The following PIK3R5 variants were observed in gnomAD, a reference collection of about 807,000 sequenced individuals.
The protein encoded by PIK3R5 is phosphoinositide-3-kinase regulatory subunit 5.
PIK3R5 carries 32 observed loss-of-function variants against 94.9 expected under a neutral mutation model. The observed-to-expected ratio is 0.34, with a 90% CI of 0.25 to 0.45. The LOEUF (loss-of-function observed/expected upper bound fraction) is 0.45. Among genes scored for constraint, PIK3R5 ranks in the 20% least tolerant of loss-of-function variants. The pLI is 1.00. For missense variants in PIK3R5, 853 were observed against 1,144.6 expected, an observed-to-expected ratio of 0.75 and a Z score of 3.68; for synonymous variants, 443 against 479.4, an observed-to-expected ratio of 0.92 and a Z score of 0.99.
rs2089879749 is a variant in PIK3R5 at position 8,887,125 on chromosome 17, T to C, written c.1876A>G (p.Met626Val). The part of the protein sequence containing the change: ...PWYERNVLGL[M>V]HLPPEVLCQQ... Reference sequence around the variant, plus strand: ...CACAGGACTTCAGGGGGCAGGTGCATGAGGCCCAGTACATTGCGCTCATAC... The same window carrying C: ...CACAGGACTTCAGGGGGCAGGTGCACGAGGCCCAGTACATTGCGCTCATAC... The change falls in exon 12 of 19, where the codon ATG becomes GTG. Residue 626 changes from methionine (M) to valine (V), a missense_variant. Physicochemically the swap from Met to Val is conservative, Grantham distance 21. This residue lies in a region of PIK3R5 where 173 missense variants were observed against 274.1 expected (regional missense o/e 0.63). Coordinates refer to ENST00000447110, the MANE Select transcript of PIK3R5 (RefSeq NM_001142633.3). 2 of 1,613,996 alleles carry C rather than the reference T, an allele frequency of 1.2e-6. No individual in the cohort carries two copies. The highest frequency in any genetic ancestry group is 1.7e-6 in the Non-Finnish European group (2 of 1,179,990).
rs73973264 is a variant in PIK3R5, at chr17:8,911,732, C to T, written c.-13-225G>A. 12 of 497,364 alleles carry T rather than the reference C, an allele frequency of 2.4e-5. No individual in the cohort carries two copies. The highest frequency in any genetic ancestry group is 1.4e-4 in the East Asian group (4 of 28,212). 30.8% of individuals were successfully genotyped at this position (497,364 alleles called of 1,614,324 possible). ...AGGACAGAGCACCCCTGCAGCAGAACGGGACAGAGGTGTGGGAAGTAAGGG... is the reference window on the plus strand; with the variant it reads ...AGGACAGAGCACCCCTGCAGCAGAATGGGACAGAGGTGTGGGAAGTAAGGG... On this transcript the variant is annotated intron_variant, in intron 1 of 18. Coordinates refer to ENST00000447110, the MANE Select transcript of PIK3R5 (RefSeq NM_001142633.3). The surrounding 1 kb of genome is among the most constrained non-coding windows in gnomAD (Gnocchi z 5.3).
At chr17:8,915,050 A>T (rs980395967) in intron 1 of PIK3R5, among the ~76,000 whole-genome samples, 1 of 152,232 alleles carries the variant, frequency 6.6e-6, no homozygotes, top group South Asian at 2.1e-4. Context: ...ACTAGAATAC[A>T]TTGCCCCTCA....
rs906103464 is a variant in PIK3R5 at position 8,909,530 on chromosome 17, G to A, written c.104-356C>T. Among the ~76,000 whole-genome samples, 10 of 152,236 alleles carry A rather than the reference G, an allele frequency of 6.6e-5. No homozygotes were observed. The highest frequency in any genetic ancestry group is 1.0e-4 in the Non-Finnish European group (7 of 68,012). On this transcript the variant is annotated intron_variant, in intron 2 of 18. Coordinates refer to ENST00000447110, the MANE Select transcript of PIK3R5 (RefSeq NM_001142633.3). The surrounding 1 kb of genome is among the most constrained non-coding windows in gnomAD (Gnocchi z 4.3). ...TCTCGATCTCCTGACCTCGTGATCCGCCCGCCTCGGACTCCCAAAGTGCTG... is the reference window on the plus strand; with the variant it reads ...TCTCGATCTCCTGACCTCGTGATCCACCCGCCTCGGACTCCCAAAGTGCTG...
Position 8,888,977 on chromosome 17 carries a change from T to A in PIK3R5, c.896-86A>T. On this transcript the variant is annotated intron_variant, in intron 9 of 18. Transcript: ENST00000447110. This position sits in a 1 kb window ranked among gnomAD's most constrained non-coding sequence, Gnocchi z 7.8. The stretch of plus-strand genomic sequence containing the variant: ...CCCTTTGGAGGGGAGACAGCAGGAC[T>A]CAGGGCCAGCCCAGGACTCCTAGCA... 6.5e-7 allele frequency: 1 copy of A among 1,536,844 alleles called. No homozygotes were observed. The highest frequency in any genetic ancestry group is 1.3e-5 in the South Asian group (1 of 79,882).
At chr17:8,954,732 T>C (rs1165226938) in intron 1 of PIK3R5, among the ~76,000 whole-genome samples, 3 of 151,912 alleles carry the variant, frequency 2.0e-5, no homozygotes, top group Non-Finnish European at 2.9e-5. Context: ...GGTCAGGAGT[T>C]CAAGACCAGC....
In PIK3R5 at chr17:8,880,292, A is replaced by G. The variant is rs1388867995; in HGVS notation, c.*347T>C. On this transcript the variant is annotated 3_prime_UTR_variant, in exon 19 of 19. Transcript: ENST00000447110. ...CAGCCAAGGTTGAGAGAAAAGGCCCAAGCCATCCCCCTGAGCACCAGAGCC... is the reference window on the plus strand; with the variant it reads ...CAGCCAAGGTTGAGAGAAAAGGCCCGAGCCATCCCCCTGAGCACCAGAGCC... 4.9e-6 allele frequency: 1 copy of G among 204,304 alleles called. No homozygotes were observed. 12.7% of individuals were successfully genotyped at this position (204,304 alleles called of 1,614,324 possible).
In PIK3R5 at chr17:8,880,510, T is replaced by C. The variant is rs2089627276; in HGVS notation, c.*129A>G. 3 of 950,212 alleles carry C rather than the reference T, an allele frequency of 3.2e-6. No homozygotes were observed. Among genetic ancestry groups the C allele is most frequent in the South Asian group, 4.0e-5 (2 of 49,728 alleles). The allele number at this position is 950,212 out of a possible 1,614,324, so 58.9% of individuals were successfully genotyped here. On this transcript the variant is annotated 3_prime_UTR_variant, in exon 19 of 19. Transcript: ENST00000447110. ...ACCCTCTACTCCCAGCCCCTGCTCATTGCAGGACCCACAGTGGGACTATGG... is the reference window on the plus strand; with the variant it reads ...ACCCTCTACTCCCAGCCCCTGCTCACTGCAGGACCCACAGTGGGACTATGG...
At chr17:8,950,396 T>C (rs116394324) in intron 1 of PIK3R5, among the ~76,000 whole-genome samples, 90 of 152,256 alleles carry the variant, frequency 5.9e-4, no homozygotes, top group African/African-American at 2.0e-3. Flanking sequence ...GTATATTGCA[T>C]CCAGGTAGTG....
Position 8,901,674 on chromosome 17 carries a change from G to A in PIK3R5, c.412+3103C>T, listed in dbSNP as rs527659410. Among the ~76,000 whole-genome samples, 19 of 152,256 alleles carry A rather than the reference G, an allele frequency of 1.2e-4. No individual in the cohort carries two copies. In the South Asian group the frequency reaches 2.9e-3, roughly 23 times the overall value. On this transcript the variant is annotated intron_variant, in intron 5 of 18. Transcript: ENST00000447110. ...GGTGCATGTATACATTAGAAAGAGA[G>A]AAAACAAAAATGGGATTATAACATA... is the stretch of plus-strand genomic sequence containing the variant.
At chr17:8,918,930 A>T (rs929295561) in intron 1 of PIK3R5, among the ~76,000 whole-genome samples, 2 of 152,208 alleles carry the variant, frequency 1.3e-5, no homozygotes, top group African/African-American at 4.8e-5. Context: ...CCAAAAACAC[A>T]TAACTACAAT....
In PIK3R5 at chr17:8,963,530, T is replaced by C. The variant is rs1396943269; in HGVS notation, c.-14+2066A>G. Among the ~76,000 whole-genome samples the C allele has an allele frequency of 2.6e-3, 399 of 151,850 alleles. 2 individuals are homozygous for C. Among genetic ancestry groups the C allele is most frequent in the African/African-American group, 8.6e-3 (358 of 41,422 alleles). ...CCTATTCTTCTTCTTCTTCTTCTTT[T>C]TTTTTTTTTGTTTGTCTGTTTGCTT... On this transcript the variant is annotated intron_variant, in intron 1 of 18. Transcript: ENST00000447110.
At chr17:8,898,376 G>T (rs1386842996) in intron 5 of PIK3R5, among the ~76,000 whole-genome samples, 1 of 152,224 alleles carries the variant, frequency 6.6e-6, no homozygotes, top group African/African-American at 2.4e-5. Flanking sequence ...ATTCCCCAAG[G>T]GGGAGAGCGT....
At chr17:8,950,892 T>C (rs1294001248) in intron 1 of PIK3R5, among the ~76,000 whole-genome samples, 2 of 152,216 alleles carry the variant, frequency 1.3e-5, no homozygotes, top group African/African-American at 4.8e-5. Context: ...TCTATAGTGG[T>C]TGAACTAATT....
At chr17:8,908,932 A>G (rs2090460337) in intron 3 of PIK3R5, 142 bp downstream of exon 3, 3 of 596,186 alleles carry the variant, frequency 5.0e-6, no homozygotes, top group Admixed American at 2.9e-5. Context: ...TGCTACCGAA[A>G]CACAAAACTC....
chr17:8,884,599 A>G lies in PIK3R5; in HGVS notation c.2205+108T>C, dbSNP rs2089764626. The G allele has an allele frequency of 1.2e-6, 1 of 838,026 alleles. No individual in the cohort carries two copies. Among genetic ancestry groups the G allele is most frequent in the South Asian group, 1.5e-5 (1 of 65,966 alleles). The allele number at this position is 838,026 out of a possible 1,614,324, so 51.9% of individuals were successfully genotyped here. The stretch of plus-strand genomic sequence containing the variant: ...GGAGCCTGCTGCAGCCTTCCAGCGT[A>G]AAGACTGGGGCCCAGGAACACACGA... On this transcript the variant is annotated intron_variant, in intron 15 of 18. Coordinates refer to ENST00000447110, the MANE Select transcript of PIK3R5 (RefSeq NM_001142633.3). This position sits in a 1 kb window ranked among gnomAD's most constrained non-coding sequence, Gnocchi z 5.8.
intron 5 of PIK3R5, among the ~76,000 whole-genome samples, chr17:8,895,646 C>T (rs558424322): frequency 5.9e-5 from 9 of 152,282 alleles, no homozygotes; most frequent in African/African-American, 1.7e-4. Flanking sequence ...GGATGAGGAG[C>T]AGTCTCTAAC....
In PIK3R5 at chr17:8,882,721, A is replaced by C. The variant is rs400439; in HGVS notation, c.2206-840T>G. On this transcript the variant is annotated intron_variant, in intron 15 of 18. Coordinates refer to ENST00000447110, the MANE Select transcript of PIK3R5 (RefSeq NM_001142633.3). The surrounding 1 kb of genome is among the most constrained non-coding windows in gnomAD (Gnocchi z 4.1). ...CCCGGCCTCTTCCTGTGGTCCCCCC[A>C]GAGAAGATGGTGCTGCCAGTCACAG... is the stretch of plus-strand genomic sequence containing the variant. Among the ~76,000 whole-genome samples the C allele has an allele frequency of 0.19, 29,089 of 152,010 alleles. 3,882 individuals are homozygous for C. The highest frequency in any genetic ancestry group is 0.38 in the African/African-American group (15,532 of 41,396).
At chr17:8,961,577 G>A (rs2091564475) in intron 1 of PIK3R5, among the ~76,000 whole-genome samples, 1 of 152,174 alleles carries the variant, frequency 6.6e-6, no homozygotes, top group South Asian at 2.1e-4. Context: ...GGAGGTTGCA[G>A]TGAGCCGAGA....
rs202044732 is a variant in PIK3R5 at position 8,886,513 on chromosome 17, G to T, written c.1998C>A (p.Ala666=). 6.2e-7 allele frequency: 1 copy of T among 1,611,482 alleles called. No homozygotes were observed. The highest frequency in any genetic ancestry group is 1.7e-4 in the Middle Eastern group (1 of 6,044). Residue 666 remains alanine, a synonymous_variant, in exon 13 of 19, where the codon GCC becomes GCA. Transcript: ENST00000447110. ...AGACTTGCAGCAGCACCGGTCTGGCGGCAAAGCGGCAGTAGTAGAGTAGCA... is the reference window on the plus strand; with the variant it reads ...AGACTTGCAGCAGCACCGGTCTGGCTGCAAAGCGGCAGTAGTAGAGTAGCA... The part of the protein sequence containing the change: ...ADMLLYYCRF[A]ARPVLLQVYQ...
Sources: allele counts gnomAD v4.1 joint callset (sites outside exome capture counted in the v4.1 genomes callset), GRCh38; gene constraint gnomAD v4.1.1; regional missense constraint gnomAD v4.1.1; non-coding constraint Gnocchi (gnomAD v3.1); transcripts MANE v1.5; gene names NCBI Gene and HGNC (gene_info 2026-07-23, HGNC 2026-07-21).